EBF2: variants seen among roughly 807,000 people sequenced by gnomAD.
EBF2 encodes transcription factor COE2.
Under a neutral mutation model 72.8 loss-of-function variants are expected in EBF2, and 21 were observed. The observed-to-expected ratio is 0.29, with a 90% CI of 0.20 to 0.42. The LOEUF (loss-of-function observed/expected upper bound fraction) is 0.42, where lower values mean the gene tolerates loss of function less well. EBF2 is among the 10% of genes least tolerant of loss of function. The probability of loss-of-function intolerance (pLI) is 1.00; values close to 1 mark genes in which losing one functional copy is unlikely to be tolerated. For synonymous variants in EBF2, 299 were observed against 274.2 expected (o/e 1.09, Z -0.89); for missense variants, 637 against 731.2 (o/e 0.87, Z 1.49).
At chr8:25,861,023 G>T in intron 13 of EBF2, 26 bp downstream of exon 13, 2 of 1,613,924 alleles carry the variant, frequency 1.2e-6, no homozygotes, top group Non-Finnish European at 1.7e-6. Context: ...GACATATTTG[G>T]ATTTTGACTC....
chr8:25,890,549 C>T (rs1022162934), intron 7 of EBF2, among the ~76,000 whole-genome samples: 14 of 152,186 alleles, frequency 9.2e-5, no homozygotes, highest in Admixed American at 3.9e-4. Flanking sequence ...CCCTAACTTG[C>T]AACCATGATC....
chr8:25,957,699 C>A (rs995646038), intron 6 of EBF2, among the ~76,000 whole-genome samples: 4 of 152,140 alleles, frequency 2.6e-5, no homozygotes, highest in Middle Eastern at 3.4e-3. Context: ...CCTATCTCTA[C>A]AAAAATAAAA....
At chr8:25,910,218 C>T (rs952386633) in intron 6 of EBF2, among the ~76,000 whole-genome samples, 7 of 152,164 alleles carry the variant, frequency 4.6e-5, no homozygotes, top group African/African-American at 1.7e-4. Context: ...CATTTTATTT[C>T]TTGAAGGGTA....
Position 25,897,344 on chromosome 8 carries a change from CT to C in EBF2, c.634-7476del, listed in dbSNP as rs532969739. On this transcript the variant is annotated intron_variant, in intron 7 of 15. Coordinates refer to ENST00000520164, the MANE Select transcript of EBF2 (RefSeq NM_022659.4). ...TAAAAAATTTCTTTTAACTATTTTA[CT>C]TTTTTTTTTCTTGTGTAATTTCAAC... Among the ~76,000 whole-genome samples, 659 of 149,842 alleles carry C rather than the reference CT, an allele frequency of 4.4e-3. 5 individuals carry two copies. Among genetic ancestry groups the C allele is most frequent in the African/African-American group, 0.015 (593 of 40,880 alleles).
At chr8:26,008,960 C>T (rs565254810) in intron 6 of EBF2, among the ~76,000 whole-genome samples, 1 of 151,722 alleles carries the variant, frequency 6.6e-6, no homozygotes, top group East Asian at 1.9e-4. Context: ...TTTTATACAG[C>T]ATGCTCACAA....
Position 25,847,949 on chromosome 8 carries a change from G to A in EBF2, c.1696+2645C>T, listed in dbSNP as rs184409035. 7.0e-3 allele frequency among the ~76,000 whole-genome samples: 1,066 copies of A among 152,010 alleles called. 5 individuals are homozygous for A. Among genetic ancestry groups the A allele is most frequent in the Non-Finnish European group, 0.011 (770 of 67,988 alleles). ...ATACTGCTAAGGTAACTCGTGCGCC[G>A]AAATCTCAAATCACCACTAGAGAAC... On this transcript the variant is annotated intron_variant, in intron 15 of 15. Transcript: ENST00000520164.
At chr8:25,860,135 C>G (rs370903857) in intron 13 of EBF2, among the ~76,000 whole-genome samples, 4 of 152,152 alleles carry the variant, frequency 2.6e-5, no homozygotes, top group Admixed American at 6.5e-5. Flanking sequence ...ACATTTACTC[C>G]TTTTAAAAAT....
intron 6 of EBF2, among the ~76,000 whole-genome samples, chr8:25,932,775 A>G (rs1216317624): frequency 6.6e-6 from 1 of 152,188 alleles, no homozygotes; most frequent in African/African-American, 2.4e-5. Flanking sequence ...AAATGAGAGT[A>G]CTGATTAGTA....
intron 7 of EBF2, among the ~76,000 whole-genome samples, chr8:25,897,629 T>A (rs1282586195): frequency 1.3e-5 from 2 of 152,236 alleles, no homozygotes; most frequent in African/African-American, 4.8e-5. Context: ...TGGTTTTCTG[T>A]TCCTACATTT....
chr8:25,864,519 C>T (rs1000281717), intron 10 of EBF2, among the ~76,000 whole-genome samples: 22 of 151,894 alleles, frequency 1.4e-4, no homozygotes, highest in Non-Finnish European at 2.8e-4. Flanking sequence ...CACACACACA[C>T]ACACACAAAT....
intron 6 of EBF2, among the ~76,000 whole-genome samples, chr8:25,958,778 C>A (rs983102151): frequency 1.8e-4 from 28 of 152,196 alleles, no homozygotes; most frequent in Non-Finnish European, 3.7e-4. Flanking sequence ...TCTTTATTTC[C>A]CTCCCTGAGT....
intron 9 of EBF2, among the ~76,000 whole-genome samples, chr8:25,887,578 A>C (rs1175368860): frequency 6.6e-6 from 1 of 152,024 alleles, no homozygotes; most frequent in Non-Finnish European, 1.5e-5. Flanking sequence ...TTACAGTGTG[A>C]GCATATCCTT....
chr8:25,861,273 C>A, intron 12 of EBF2, 36 bp downstream of exon 12: 1 of 1,613,858 alleles, frequency 6.2e-7, no homozygotes, highest in Non-Finnish European at 8.5e-7. Flanking sequence ...GCATAAAGTG[C>A]AAAACTCAAT....
In EBF2 at chr8:26,032,812, C is replaced by A. The variant is rs147191854; in HGVS notation, c.551+273G>T. ...CCCTGCCCGAAAGGAGAGGTGCCATCGCTTATATCCTGCACCACACATACT... is the reference window on the plus strand; with the variant it reads ...CCCTGCCCGAAAGGAGAGGTGCCATAGCTTATATCCTGCACCACACATACT... On this transcript the variant is annotated intron_variant, in intron 6 of 15. Coordinates refer to ENST00000520164, the MANE Select transcript of EBF2 (RefSeq NM_022659.4). 577 of 347,864 alleles carry A rather than the reference C, an allele frequency of 1.7e-3. 8 individuals carry two copies. Among genetic ancestry groups the A allele is most frequent in the South Asian group, 9.0e-4 (12 of 13,376 alleles). The allele number at this position is 347,864 out of a possible 1,614,324, so 21.5% of individuals were successfully genotyped here. A position where few individuals can be genotyped will look rare whatever the true frequency, so the allele number is the denominator to read the frequency against.
chr8:25,897,975 C>G (rs1326337067), intron 7 of EBF2, among the ~76,000 whole-genome samples: 1 of 152,266 alleles, frequency 6.6e-6, no homozygotes, highest in African/African-American at 2.4e-5. Context: ...CACTGTGTTT[C>G]CATCAGTCAC....
At chr8:25,907,773 C>T (rs1312707666) in intron 7 of EBF2, among the ~76,000 whole-genome samples, 2 of 152,092 alleles carry the variant, frequency 1.3e-5, no homozygotes, top group Admixed American at 6.5e-5. Flanking sequence ...ACATCTAGAA[C>T]GGGGTGTGAG....
At chr8:25,858,118 CA>C in intron 14 of EBF2, 200 bp downstream of exon 14, 2 of 718,440 alleles carry the variant, frequency 2.8e-6, no homozygotes, top group South Asian at 1.5e-5. Flanking sequence ...TTTCTTTCCC[CA>C]AAAGGCCTTG....
rs1000063230 is a variant in EBF2, at chr8:25,844,444, T to A, written c.*165A>T. Reference sequence around the variant, plus strand: ...GTTTGTGTAGCCACCATCAGAGCTATAGGAGGACGTGGGACCAAGTAAGAT... The same window carrying A: ...GTTTGTGTAGCCACCATCAGAGCTAAAGGAGGACGTGGGACCAAGTAAGAT... On this transcript the variant is annotated 3_prime_UTR_variant, in exon 16 of 16. Coordinates refer to ENST00000520164, the MANE Select transcript of EBF2 (RefSeq NM_022659.4). 2 of 675,642 alleles carry A rather than the reference T, an allele frequency of 3.0e-6. No individual in the cohort carries two copies. Among genetic ancestry groups the A allele is most frequent in the Non-Finnish European group, 5.2e-6 (2 of 387,480 alleles). 41.9% of individuals were successfully genotyped at this position (675,642 alleles called of 1,614,324 possible).
chr8:25,866,372 C>T (rs1238814632), intron 10 of EBF2, among the ~76,000 whole-genome samples: 1 of 148,584 alleles, frequency 6.7e-6, no homozygotes, highest in African/African-American at 2.5e-5. Context: ...GTTATCAGGA[C>T]TTCTTGGAGT....
Sources: allele counts gnomAD v4.1 joint callset (sites outside exome capture counted in the v4.1 genomes callset), GRCh38; gene constraint gnomAD v4.1.1; transcripts MANE v1.5; gene names NCBI Gene and HGNC (gene_info 2026-07-23, HGNC 2026-07-21).